JMJD1C: variants seen among roughly 807,000 people sequenced by gnomAD.
JMJD1C encodes the protein jumonji domain containing 1C.
Under a neutral mutation model 245.3 loss-of-function variants are expected in JMJD1C, and 31 were observed. The observed-to-expected ratio is 0.13, with a 90% CI of 0.09 to 0.17. The LOEUF is 0.17. Ranked by LOEUF, JMJD1C falls within the 10% of genes least tolerant of loss-of-function variation. The pLI, the probability that JMJD1C is intolerant of heterozygous loss-of-function variation, is 1.00. For synonymous variants in JMJD1C, 1,057 were observed against 1,017.4 expected, an observed-to-expected ratio of 1.04 and a Z score of -0.74; for missense variants, 2,691 against 3,000.2, an observed-to-expected ratio of 0.90 and a Z score of 2.41.
intron 1 of JMJD1C, among the ~76,000 whole-genome samples, chr10:63,455,360 C>A (rs985827368): frequency 1.3e-5 from 2 of 152,182 alleles, no homozygotes; most frequent in Non-Finnish European, 2.9e-5. Context: ...TTAACCCTAT[C>A]CACTGGGACA....
chr10:63,484,236 GGATA>G lies in JMJD1C; in HGVS notation n.113+37498_113+37501del, dbSNP rs142291507. 1.9e-3 allele frequency among the ~76,000 whole-genome samples: 172 copies of G among 92,744 alleles called. 1 individual carries two copies. Among genetic ancestry groups the G allele is most frequent in the African/African-American group, 5.1e-3 (162 of 32,032 alleles). 60.8% of individuals were successfully genotyped at this position (92,744 alleles called of 152,430 possible). On this transcript the variant is annotated intron_variant and non_coding_transcript_variant, in intron 1 of 3. Coordinates refer to the JMJD1C transcript ENST00000633035. ...TGGATGGATGGATGGATGGATGGAT[GGATA>G]GATAGATAGATAGATAGATAGATAG...
intron 2 of JMJD1C, among the ~76,000 whole-genome samples, chr10:63,367,058 G>A (rs149114714): frequency 7.9e-5 from 12 of 152,242 alleles, no homozygotes; most frequent in South Asian, 4.1e-4. Flanking sequence ...CAAGAGACTA[G>A]TCCCAGCTGG....
chr10:63,515,831 A>AT (rs1333049458), intron 1 of JMJD1C, among the ~76,000 whole-genome samples: 5 of 152,184 alleles, frequency 3.3e-5, no homozygotes, highest in African/African-American at 4.8e-5. Flanking sequence ...GTATATGAAG[A>AT]TATATACCCA....
intron 1 of JMJD1C, among the ~76,000 whole-genome samples, chr10:63,520,291 AT>A (rs760988406): frequency 6.6e-6 from 1 of 152,188 alleles, no homozygotes; most frequent in African/African-American, 2.4e-5. Flanking sequence ...CCCCCTTTTT[AT>A]CACAGGGAAA....
intron 3 of JMJD1C, among the ~76,000 whole-genome samples, chr10:63,248,695 A>G (rs766428320): frequency 3.3e-5 from 5 of 152,186 alleles, no homozygotes; most frequent in Admixed American, 1.3e-4. Flanking sequence ...AACTAAAAAT[A>G]TAACTATGAT....
intron 3 of JMJD1C, chr10:63,222,669 T>A (rs951057726): frequency 3.3e-6 from 5 of 1,534,506 alleles, no homozygotes; most frequent in Non-Finnish European, 4.5e-6. Flanking sequence ...GTAGAGGGAG[T>A]GGTGCATTCA....
chr10:63,186,581 C>T (rs1381969199), intron 18 of JMJD1C, among the ~76,000 whole-genome samples, 198 bp from the exon 19 acceptor site: 2 of 152,064 alleles, frequency 1.3e-5, no homozygotes, highest in East Asian at 1.9e-4. Flanking sequence ...TATTAAATTT[C>T]GAGCCTAATG....
At chr10:63,345,099 T>G (rs763420330) in intron 2 of JMJD1C, among the ~76,000 whole-genome samples, 1 of 152,178 alleles carries the variant, frequency 6.6e-6, no homozygotes, top group Non-Finnish European at 1.5e-5. Flanking sequence ...AGGAGCATGA[T>G]TCAAAATCAC....
chr10:63,276,796 T>C (rs1481390588), intron 2 of JMJD1C, among the ~76,000 whole-genome samples: 1 of 151,734 alleles, frequency 6.6e-6, no homozygotes, highest in Non-Finnish European at 1.5e-5. Context: ...TAATTAACAG[T>C]AGTCCCACAA....
At chr10:63,319,946 A>G (rs1301825779) in intron 2 of JMJD1C, among the ~76,000 whole-genome samples, 1 of 152,084 alleles carries the variant, frequency 6.6e-6, no homozygotes, top group African/African-American at 2.4e-5. Flanking sequence ...TTGTAGTTTT[A>G]GTAGAGACAG....
At chr10:63,272,177 A>T (rs1856389251) in intron 2 of JMJD1C, among the ~76,000 whole-genome samples, 1 of 152,204 alleles carries the variant, frequency 6.6e-6, no homozygotes, top group African/African-American at 2.4e-5. Context: ...ATGGGCAATG[A>T]TTAGCCTAAG....
intron 2 of JMJD1C, among the ~76,000 whole-genome samples, chr10:63,349,283 C>G (rs1944134618): frequency 6.6e-6 from 1 of 152,054 alleles, no homozygotes; most frequent in African/African-American, 2.4e-5. Context: ...ATAAATTACC[C>G]AGTCTCAGGT....
intron 3 of JMJD1C, among the ~76,000 whole-genome samples, chr10:63,251,995 CAG>C (rs1221574359): frequency 2.0e-5 from 3 of 152,148 alleles, no homozygotes; most frequent in Admixed American, 2.0e-4. Context: ...CCTGGGGTGA[CAG>C]AGCAAGACTC....
chr10:63,464,868 C>T (rs116883193), intron 1 of JMJD1C, among the ~76,000 whole-genome samples: 2,442 of 152,238 alleles, frequency 0.016, 35 homozygotes, highest in Middle Eastern at 0.037. Context: ...ACCCTCCATA[C>T]CAAAATTTTT....
intron 22 of JMJD1C, among the ~76,000 whole-genome samples, chr10:63,180,260 C>T (rs1843316038): frequency 6.6e-6 from 1 of 152,232 alleles, no homozygotes; most frequent in South Asian, 2.1e-4. Flanking sequence ...GATCCACCAC[C>T]TTGGCCTCCC....
intron 1 of JMJD1C, among the ~76,000 whole-genome samples, chr10:63,395,105 A>G (rs905911281): frequency 6.6e-6 from 1 of 152,200 alleles, no homozygotes; most frequent in African/African-American, 2.4e-5. Flanking sequence ...AAGCACATCA[A>G]AAGATATTAA....
intron 2 of JMJD1C, among the ~76,000 whole-genome samples, chr10:63,324,125 C>G (rs1324077863): frequency 1.3e-5 from 2 of 150,200 alleles, no homozygotes; most frequent in Non-Finnish European, 2.9e-5. Context: ...CCTACTCAGT[C>G]TACTAGCTCA....
In JMJD1C at chr10:63,168,450, A is replaced by G. The variant is rs1842049722; in HGVS notation, c.7518T>C (p.Tyr2506=). 9 of 1,608,332 alleles carry G rather than the reference A, an allele frequency of 5.6e-6. No homozygotes were observed. The South Asian group carries it at 1.0e-4, about 18-fold the overall frequency. ...ELRLLKEEIN[Y]DDKLQVKNIL... is the part of the protein sequence containing the mutation. ...CAACTCTTACCTGTAGTTTATCATCATAATTGATTTCTTCCTTCAAAAGTC... is the reference window on the plus strand; with the variant it reads ...CAACTCTTACCTGTAGTTTATCATCGTAATTGATTTCTTCCTTCAAAAGTC... The change falls in exon 25 of 26, where the codon TAT becomes TAC. Residue 2506 remains tyrosine, a synonymous_variant. Coordinates refer to ENST00000399262, the MANE Select transcript of JMJD1C (RefSeq NM_032776.3).
At chr10:63,306,504 T>C (rs1375675557) in intron 2 of JMJD1C, among the ~76,000 whole-genome samples, 1 of 152,308 alleles carries the variant, frequency 6.6e-6, no homozygotes, top group African/African-American at 2.4e-5. Context: ...AAGATCAAGG[T>C]GGTTGTGAGA....
Sources: allele counts gnomAD v4.1 joint callset (sites outside exome capture counted in the v4.1 genomes callset), GRCh38; gene constraint gnomAD v4.1.1; transcripts MANE v1.5; gene names NCBI Gene and HGNC (gene_info 2026-07-23, HGNC 2026-07-21).